PCDHGA3: variants seen among roughly 807,000 people sequenced by gnomAD.
PCDHGA3 encodes protocadherin gamma-A3.
PCDHGA3 carries 40 observed loss-of-function variants against 58.5 expected under a neutral mutation model. That is an observed-to-expected ratio of 0.68 (90% confidence interval 0.53 to 0.89). The LOEUF is 0.89. PCDHGA3 is among the 40% of genes least tolerant of loss of function. The pLI is 0.00. For missense variants in PCDHGA3, 1,223 were observed against 1,195.9 expected (o/e 1.02, Z -0.33); for synonymous variants, 530 against 525.7 (o/e 1.01, Z -0.11).
At chr5:141,362,596 G>T (rs1762590213) in intron 1 of PCDHGA3, 2 of 1,584,024 alleles carry the variant, frequency 1.3e-6, no homozygotes, top group Non-Finnish European at 1.7e-6. Context: ...TGGTTTTATT[G>T]TTTCACCTAA....
chr5:141,477,705 G>A lies in PCDHGA3; in HGVS notation c.2425-17102G>A, dbSNP rs1285254654. On this transcript the variant is annotated intron_variant, in intron 1 of 3. Coordinates refer to ENST00000253812, the MANE Select transcript of PCDHGA3 (RefSeq NM_018916.4). The surrounding 1 kb of genome is among the most constrained non-coding windows in gnomAD (Gnocchi z 4.9). ...TTAGTGCCCCTAGACTATGAGGATCGGCGGGAATTTGAATTAACAGCTCAT... is the reference window on the plus strand; with the variant it reads ...TTAGTGCCCCTAGACTATGAGGATCAGCGGGAATTTGAATTAACAGCTCAT... The A allele has an allele frequency of 6.2e-7, 1 of 1,614,008 alleles. No homozygotes were observed. Among genetic ancestry groups the A allele is most frequent in the Non-Finnish European group, 8.5e-7 (1 of 1,180,048 alleles).
intron 1 of PCDHGA3, chr5:141,396,447 C>A: frequency 6.6e-6 from 1 of 152,186 alleles, no homozygotes. Flanking sequence ...GGTGAAACCC[C>A]GTCTCTACTA....
intron 1 of PCDHGA3, chr5:141,361,035 A>C: frequency 6.2e-7 from 1 of 1,613,478 alleles, no homozygotes; most frequent in Non-Finnish European, 8.5e-7. Context: ...AAACAGGAGA[A>C]ATCACGACAA....
intron 1 of PCDHGA3, chr5:141,356,564 C>T (rs746002239): frequency 2.5e-6 from 4 of 1,614,146 alleles, no homozygotes; most frequent in Non-Finnish European, 3.4e-6. Context: ...TTCCCTCATG[C>T]TTCCTACTCT....
At chr5:141,403,724 G>A (rs373210176) in intron 1 of PCDHGA3, 2 of 1,613,924 alleles carry the variant, frequency 1.2e-6, no homozygotes, top group Non-Finnish European at 1.7e-6. Flanking sequence ...CGTGCCCCCA[G>A]GCACCTGGCT....
intron 1 of PCDHGA3, chr5:141,404,648 G>A (rs1178706213): frequency 6.2e-7 from 1 of 1,614,030 alleles, no homozygotes; most frequent in Non-Finnish European, 8.5e-7. Context: ...CCTGTACCCT[G>A]CCCTCCCCAC....
At chr5:141,419,917 T>C in intron 1 of PCDHGA3, 1 of 1,612,890 alleles carries the variant, frequency 6.2e-7, no homozygotes, top group Non-Finnish European at 8.5e-7. Context: ...ACTCCCAGGC[T>C]GAGATGCAGT....
chr5:141,427,425 AC>A (rs1184817093), intron 1 of PCDHGA3: 2 of 469,034 alleles, frequency 4.3e-6, no homozygotes, highest in Non-Finnish European at 8.5e-6. Flanking sequence ...TGGGGAGGTT[AC>A]ATGCCTCATA....
intron 1 of PCDHGA3, chr5:141,418,345 T>G: frequency 6.2e-7 from 1 of 1,614,000 alleles, no homozygotes; most frequent in Non-Finnish European, 8.5e-7. Context: ...ATCCTGATAT[T>G]AGTATGAATT....
intron 1 of PCDHGA3, chr5:141,492,055 G>C (rs1335131646): frequency 4.1e-6 from 2 of 493,506 alleles, no homozygotes; most frequent in Non-Finnish European, 7.1e-6. Flanking sequence ...CACCCCTGCA[G>C]CCAGCCTCCT....
chr5:141,383,028 C>A (rs1561593921), intron 1 of PCDHGA3: 23 of 1,613,814 alleles, frequency 1.4e-5, no homozygotes, highest in Non-Finnish European at 1.9e-5. Flanking sequence ...ACAAAGGGTC[C>A]TTTGTGGGAG....
chr5:141,347,126 CCTCTG>C (rs1757878561), intron 1 of PCDHGA3, among the ~76,000 whole-genome samples: 11 of 60,650 alleles, frequency 1.8e-4, no homozygotes, highest in African/African-American at 5.1e-4. Context: ...TTCCTTCCTT[CCTCTG>C]TTTCTCTCTT....
chr5:141,427,224 A>G (rs1269896138), intron 1 of PCDHGA3: 1 of 456,768 alleles, frequency 2.2e-6, no homozygotes, highest in East Asian at 6.9e-5. Context: ...TAGCAGTTAT[A>G]CCATGAGAGT....
At chr5:141,351,511 A>C (rs371747733) in intron 1 of PCDHGA3, 1 of 1,614,018 alleles carries the variant, frequency 6.2e-7, no homozygotes. Context: ...ACAACGTCAC[A>C]ATCATAGCCA....
At chr5:141,395,526 G>T in intron 1 of PCDHGA3, 4 of 357,898 alleles carry the variant, frequency 1.1e-5, no homozygotes, top group Admixed American at 4.6e-5. Context: ...GTCCATACTG[G>T]TAATTTTGCT....
chr5:141,398,212 C>T, intron 1 of PCDHGA3: 1 of 1,484,360 alleles, frequency 6.7e-7, no homozygotes, highest in South Asian at 1.3e-5. Flanking sequence ...CTGCCCGGCG[C>T]TCTGTGAGCA....
intron 1 of PCDHGA3, among the ~76,000 whole-genome samples, chr5:141,474,703 C>G (rs2099353282): frequency 6.6e-6 from 1 of 152,188 alleles, no homozygotes; most frequent in Admixed American, 6.5e-5. Flanking sequence ...GTTCAAGGTT[C>G]TATTATACTT....
chr5:141,356,558 C>T lies in PCDHGA3; in HGVS notation c.2424+10101C>T, dbSNP rs1307592617. 3 of 1,614,174 alleles carry T rather than the reference C, an allele frequency of 1.9e-6. No homozygotes were observed. In the South Asian group the frequency reaches 3.3e-5, roughly 18 times the overall value. Reference sequence around the variant, plus strand: ...ATCAATGACAACCCACCCACTTTCCCTCATGCTTCCTACTCTGCTTACATT... The same window carrying T: ...ATCAATGACAACCCACCCACTTTCCTTCATGCTTCCTACTCTGCTTACATT... On this transcript the variant is annotated intron_variant, in intron 1 of 3. Transcript: ENST00000253812.
Position 141,420,249 on chromosome 5 carries a change from A to C in PCDHGA3, c.2424+73792A>C. 4 of 1,580,072 alleles carry C rather than the reference A, an allele frequency of 2.5e-6. No homozygotes were observed. In the Admixed American group the frequency reaches 7.3e-5, roughly 29 times the overall value. On this transcript the variant is annotated intron_variant, in intron 1 of 3. Transcript: ENST00000253812. The stretch of plus-strand genomic sequence containing the variant: ...GCTAGCATTTTAACTCCCAGCGTTG[A>C]AGCAGATAAGAAGATTCTTAAACAG...
Sources: gnomAD v4.1 joint callset for allele counts (sites outside exome capture counted in the v4.1 genomes callset) on GRCh38, gnomAD v4.1.1 for gene constraint, Gnocchi (gnomAD v3.1) non-coding constraint, MANE v1.5 for transcripts, NCBI Gene and HGNC (gene_info 2026-07-23, HGNC 2026-07-21) for gene names.